The following EFHB variants were observed in gnomAD, a reference collection of about 807,000 sequenced individuals.
The protein encoded by EFHB is EF-hand domain-containing family member B.
Under a neutral mutation model 87.2 loss-of-function variants are expected in EFHB, and 91 were observed. The ratio of observed to expected loss-of-function variants is 1.04; its 90% CI spans 0.88 to 1.24. The LOEUF (loss-of-function observed/expected upper bound fraction) is 1.24, where lower values mean the gene tolerates loss of function less well. Ranked by LOEUF, EFHB falls within the 50% of genes most tolerant of loss-of-function variation. The pLI, the probability that EFHB is intolerant of heterozygous loss-of-function variation, is 0.00. For synonymous variants in EFHB, 325 were observed against 333.6 expected, an observed-to-expected ratio of 0.97 and a Z score of 0.28; for missense variants, 1,084 against 998.8, an observed-to-expected ratio of 1.09 and a Z score of -1.15.
chr3:19,932,179 T>C (rs1277434160), intron 1 of EFHB, among the ~76,000 whole-genome samples: 1 of 152,222 alleles, frequency 6.6e-6, no homozygotes, highest in African/African-American at 2.4e-5. Flanking sequence ...CAGTCTCCTT[T>C]CTATTCTTTC....
chr3:19,882,095 T>C (rs535328985), intron 12 of EFHB, among the ~76,000 whole-genome samples: 1 of 152,052 alleles, frequency 6.6e-6, no homozygotes, highest in East Asian at 1.9e-4. Flanking sequence ...CTTACCTGTG[T>C]TGTGGCAACA....
At chr3:19,946,796 C>T (rs1275778660) in intron 1 of EFHB, 1 of 152,246 alleles carries the variant, frequency 6.6e-6, no homozygotes, top group African/African-American at 2.4e-5. Context: ...CAAAAAAACA[C>T]AAGTTATTTT....
At chr3:19,887,060 C>CA (rs1694126463) in intron 10 of EFHB, among the ~76,000 whole-genome samples, 1 of 151,686 alleles carries the variant, frequency 6.6e-6, no homozygotes, top group African/African-American at 2.4e-5. Context: ...TCATAGAAAC[C>CA]AAAAAAGCAT....
chr3:19,939,056 G>A (rs374595887), upstream of EFHB, among the ~76,000 whole-genome samples: 2 of 152,118 alleles, frequency 1.3e-5, no homozygotes, highest in South Asian at 2.1e-4. Context: ...ACAGGCACCC[G>A]CCACCATGCC....
chr3:19,884,996 C>T (rs1206689394), intron 10 of EFHB, among the ~76,000 whole-genome samples: 1 of 150,742 alleles, frequency 6.6e-6, no homozygotes, highest in Non-Finnish European at 1.5e-5. Flanking sequence ...CTGAGGTGGA[C>T]AGATCACCTG....
chr3:19,891,787 C>T (rs1388897845), intron 9 of EFHB, among the ~76,000 whole-genome samples: 2 of 152,160 alleles, frequency 1.3e-5, no homozygotes, highest in Non-Finnish European at 1.5e-5. Flanking sequence ...AAGCCTGAAC[C>T]ATCCAGATTG....
At chr3:19,921,390 C>T (rs547566662) in intron 1 of EFHB, among the ~76,000 whole-genome samples, 8 of 151,210 alleles carry the variant, frequency 5.3e-5, no homozygotes, top group Non-Finnish European at 1.0e-4. Context: ...AACTGAATTG[C>T]TTTGTTAAAA....
At chr3:19,927,901 A>G in intron 1 of EFHB, among the ~76,000 whole-genome samples, 1 of 150,516 alleles carries the variant, frequency 6.6e-6, no homozygotes, top group East Asian at 1.9e-4. Flanking sequence ...AGTAAATAAT[A>G]CTATAAATAC....
At chr3:19,912,131 A>G (rs1389940881) in intron 5 of EFHB, among the ~76,000 whole-genome samples, 1 of 152,142 alleles carries the variant, frequency 6.6e-6, no homozygotes, top group East Asian at 1.9e-4. Context: ...TAACCCAAAG[A>G]AGACTACCTC....
At chr3:19,899,780 G>GTGTAGCTCCTGGCC (rs1450732254) in intron 6 of EFHB, among the ~76,000 whole-genome samples, 1 of 152,132 alleles carries the variant, frequency 6.6e-6, no homozygotes, top group Non-Finnish European at 1.5e-5. Context: ...ACTATTGTAA[G>GTGTAGCTCCTGGCC]TGTAGCTCCT....
intron 11 of EFHB, 175 bp downstream of exon 11, chr3:19,884,228 G>A (rs147141297): frequency 2.6e-4 from 153 of 595,782 alleles, no homozygotes; most frequent in South Asian, 1.4e-3. Flanking sequence ...TGGCAATTCC[G>A]TTCAATCAAC....
At chr3:19,932,462 T>C (rs925689520) in intron 1 of EFHB, among the ~76,000 whole-genome samples, 2 of 152,232 alleles carry the variant, frequency 1.3e-5, no homozygotes, top group African/African-American at 4.8e-5. Context: ...AATACAACTG[T>C]TTATGCCTCT....
At position 19,934,146 on chromosome 3, in the gene EFHB, G is replaced by A; in HGVS notation, c.-128C>T. The stretch of plus-strand genomic sequence containing the variant: ...CTCAGGAAAGAGCACAACCTCACTC[G>A]GACTCCCTGTCCATTGCTTCCTGCC... On this transcript the variant is annotated 5_prime_UTR_variant, in exon 1 of 13. Transcript: ENST00000295824. The A allele has an allele frequency of 1.1e-5, 16 of 1,451,650 alleles. No individual in the cohort carries two copies. The highest frequency in any genetic ancestry group is 1.4e-5 in the Non-Finnish European group (16 of 1,109,812). 89.9% of individuals were successfully genotyped at this position (1,451,650 alleles called of 1,614,324 possible).
chr3:19,944,111 A>G (rs1202436602), intron 1 of EFHB, among the ~76,000 whole-genome samples: 2 of 152,222 alleles, frequency 1.3e-5, no homozygotes, highest in Non-Finnish European at 2.9e-5. Context: ...TACTACGCCA[A>G]TGTTAGAGTT....
intron 5 of EFHB, among the ~76,000 whole-genome samples, chr3:19,909,861 T>G (rs1192870062): frequency 1.3e-5 from 2 of 152,052 alleles, no homozygotes; most frequent in Non-Finnish European, 2.9e-5. Context: ...TTTCCTTCAC[T>G]GCCTTGAAGG....
chr3:19,901,331 G>A (rs1013597472), intron 6 of EFHB, among the ~76,000 whole-genome samples: 4 of 152,086 alleles, frequency 2.6e-5, no homozygotes, highest in Non-Finnish European at 4.4e-5. Context: ...CTTTTGAAAC[G>A]TGTAAAATTA....
chr3:19,906,771 A>AG (rs1559458310), intron 5 of EFHB, among the ~76,000 whole-genome samples: 5 of 151,850 alleles, frequency 3.3e-5, no homozygotes, highest in Admixed American at 2.6e-4. Context: ...ATTAGGAAAA[A>AG]GAAAAAAGTT....
intron 1 of EFHB, among the ~76,000 whole-genome samples, chr3:19,924,464 A>G (rs1163860899): frequency 6.6e-6 from 1 of 151,880 alleles, no homozygotes; most frequent in Admixed American, 6.6e-5. Context: ...CTCCCTCCTC[A>G]GCCTCCCAAA....
chr3:19,918,952 C>A (rs1461802022), intron 3 of EFHB, among the ~76,000 whole-genome samples: 2 of 146,272 alleles, frequency 1.4e-5, no homozygotes, highest in Admixed American at 1.4e-4. Context: ...TGCACTCCAG[C>A]CTGGGCGACA....
Sources: gnomAD v4.1 joint callset for allele counts (sites outside exome capture counted in the v4.1 genomes callset) on GRCh38, gnomAD v4.1.1 for gene constraint, MANE v1.5 for transcripts, NCBI Gene and HGNC (gene_info 2026-07-23, HGNC 2026-07-21) for gene names.